CEP57L1: variants seen among roughly 807,000 people sequenced by gnomAD.
CEP57L1 encodes the protein centrosomal protein CEP57L1.
In CEP57L1, 37 loss-of-function variants were observed where a neutral mutation model predicts 61.0. The observed-to-expected ratio is 0.61, with a 90% confidence interval of 0.47 to 0.80. The LOEUF (loss-of-function observed/expected upper bound fraction) is 0.80, where lower values mean the gene tolerates loss of function less well. CEP57L1 is among the 30% of genes least tolerant of loss of function. The pLI is 0.00. For synonymous variants in CEP57L1, 137 were observed against 162.3 expected (o/e 0.84, Z 1.19); for missense variants, 422 against 524.7 (o/e 0.80, Z 1.91).
intron 3 of CEP57L1, 128 bp from the exon 4 acceptor site, chr6:109,149,990 A>G: frequency 2.3e-6 from 1 of 437,914 alleles, no homozygotes; most frequent in South Asian, 2.5e-5. Context: ...ACTTTGCTGA[A>G]GTTGCTTATC....
intron 1 of CEP57L1, among the ~76,000 whole-genome samples, chr6:109,119,183 A>G (rs1772656236): frequency 1.3e-5 from 2 of 152,200 alleles, no homozygotes; most frequent in African/African-American, 2.4e-5. Context: ...GGAGAGCCCT[A>G]TATGCCCTGA....
At chr6:109,118,837 T>C (rs1281435259) in intron 1 of CEP57L1, among the ~76,000 whole-genome samples, 1 of 152,222 alleles carries the variant, frequency 6.6e-6, no homozygotes, top group Non-Finnish European at 1.5e-5. Flanking sequence ...ACATAGCTTT[T>C]AATTCATTTC....
Position 109,165,643 on chromosome 6 carries a change from A to G in CEP57L1, c.*2673A>G, listed in dbSNP as rs992145958. On this transcript the variant is annotated 3_prime_UTR_variant, in exon 11 of 11. Transcript: ENST00000517392. ...TGTGCTGAAACATGTAACCACACAC[A>G]GCAAATAGGTTTGGAGTATGGTGTG... is the stretch of plus-strand genomic sequence containing the variant. Among the ~76,000 whole-genome samples the G allele has an allele frequency of 5.3e-5, 8 of 152,232 alleles. No individual in the cohort carries two copies. Among genetic ancestry groups the G allele is most frequent in the Non-Finnish European group, 1.0e-4 (7 of 68,044 alleles).
At chr6:109,114,875 A>C (rs1180116255) in intron 1 of CEP57L1, among the ~76,000 whole-genome samples, 1 of 152,180 alleles carries the variant, frequency 6.6e-6, no homozygotes, top group East Asian at 1.9e-4. Flanking sequence ...AGAGATGGTA[A>C]ATATTTGAGG....
intron 1 of CEP57L1, among the ~76,000 whole-genome samples, chr6:109,097,742 G>T (rs1781877750): frequency 6.6e-6 from 1 of 152,268 alleles, no homozygotes; most frequent in Non-Finnish European, 1.5e-5. Flanking sequence ...GGAATGGGGA[G>T]TGCCAGGATG....
At chr6:109,140,024 A>T (rs1771174202) in intron 1 of CEP57L1, among the ~76,000 whole-genome samples, 1 of 152,244 alleles carries the variant, frequency 6.6e-6, no homozygotes. Flanking sequence ...ATTGAGGTCC[A>T]GCTGCAAAGG....
intron 1 of CEP57L1, among the ~76,000 whole-genome samples, chr6:109,131,957 C>T (rs1774250610): frequency 6.6e-6 from 1 of 152,020 alleles, no homozygotes; most frequent in Non-Finnish European, 1.5e-5. Context: ...GTGAATCATC[C>T]CCTGTGGATA....
intron 1 of CEP57L1, among the ~76,000 whole-genome samples, chr6:109,124,428 A>G (rs1216205509): frequency 6.6e-6 from 1 of 152,196 alleles, no homozygotes; most frequent in Non-Finnish European, 1.5e-5. Flanking sequence ...GATAAGCAAT[A>G]TAGTGTGGTG....
rs2114503007 is a variant in CEP57L1, at chr6:109,095,592, G to A, written c.-4+17G>A. ...GTCTGCTTGGTAAGCACTGTAAGCT[G>A]GGTTGTCACCTTTCCTTGACAGGGT... On this transcript the variant is annotated intron_variant, in intron 1 of 10. Transcript: ENST00000517392. The A allele has an allele frequency of 1.0e-6, 1 of 985,544 alleles. No individual in the cohort carries two copies. The highest frequency in any genetic ancestry group is 1.7e-5 in the African/African-American group (1 of 57,338). 61.0% of individuals were successfully genotyped at this position (985,544 alleles called of 1,614,324 possible).
At chr6:109,138,625 C>CAGCTATGT (rs1256759558) in intron 1 of CEP57L1, among the ~76,000 whole-genome samples, 1 of 152,186 alleles carries the variant, frequency 6.6e-6, no homozygotes, top group African/African-American at 2.4e-5. Context: ...ATATTCCTGT[C>CAGCTATGT]AGCTATGTAT....
intron 7 of CEP57L1, chr6:109,156,956 T>C (rs982684735): frequency 1.1e-4 from 17 of 152,102 alleles, no homozygotes; most frequent in African/African-American, 3.4e-4. Flanking sequence ...CAAAGCCAAA[T>C]AGAAAAATCA....
chr6:109,105,377 T>C (rs1043840467), intron 1 of CEP57L1, among the ~76,000 whole-genome samples: 1 of 152,320 alleles, frequency 6.6e-6, no homozygotes, highest in Admixed American at 6.5e-5. Flanking sequence ...GATATATGTT[T>C]ATATTTTACC....
At position 109,163,481 on chromosome 6, in the gene CEP57L1, A is replaced by G. The variant is rs1484299779; in HGVS notation, c.*511A>G. On this transcript the variant is annotated 3_prime_UTR_variant, in exon 11 of 11. Coordinates refer to ENST00000517392, the MANE Select transcript of CEP57L1 (RefSeq NM_001271852.3). ...TAATAGTTACACAGTTTTGTGAAGA[A>G]GCCTTTAATCCAAGTTTTATGAGAC... is the stretch of plus-strand genomic sequence containing the variant. 6.6e-6 allele frequency: 1 copy of G among 152,440 alleles called. No individual in the cohort carries two copies. The highest frequency in any genetic ancestry group is 2.4e-5 in the African/African-American group (1 of 41,460). 9.4% of individuals were successfully genotyped at this position (152,440 alleles called of 1,614,324 possible). A position where few individuals can be genotyped will look rare whatever the true frequency, so the allele number is the denominator to read the frequency against.
chr6:109,133,840 C>T (rs1774487841), intron 1 of CEP57L1, among the ~76,000 whole-genome samples: 1 of 152,170 alleles, frequency 6.6e-6, no homozygotes, highest in South Asian at 2.1e-4. Flanking sequence ...TCGACACATA[C>T]ACCCTCCCAA....
At chr6:109,152,384 G>T (rs1772713025) in intron 4 of CEP57L1, among the ~76,000 whole-genome samples, 1 of 152,030 alleles carries the variant, frequency 6.6e-6, no homozygotes, top group Non-Finnish European at 1.5e-5. Flanking sequence ...GTTTTGCCAT[G>T]TTGGGGCAGG....
chr6:109,118,165 A>G, intron 1 of CEP57L1, among the ~76,000 whole-genome samples: 1 of 152,010 alleles, frequency 6.6e-6, no homozygotes, highest in East Asian at 1.9e-4. Context: ...CCTCCTTAGT[A>G]GCTGGAATTA....
chr6:109,153,958 T>A lies in CEP57L1; in HGVS notation c.579+9T>A, dbSNP rs1772944853. On this transcript the variant is annotated intron_variant, in intron 5 of 10. Transcript: ENST00000517392. Reference sequence around the variant, plus strand: ...CTCAGAAAACTGCTGAGGTAAGCTTTCTTTGAAGTGATGACAACAGGAATG... The same window carrying A: ...CTCAGAAAACTGCTGAGGTAAGCTTACTTTGAAGTGATGACAACAGGAATG... The A allele has an allele frequency of 7.2e-7, 1 of 1,380,570 alleles. No individual in the cohort carries two copies. The highest frequency in any genetic ancestry group is 2.3e-5 in the East Asian group (1 of 43,586). 85.5% of individuals were successfully genotyped at this position (1,380,570 alleles called of 1,614,324 possible).
At chr6:109,125,522 ATATT>A (rs1562524310) in intron 1 of CEP57L1, among the ~76,000 whole-genome samples, 5 of 139,732 alleles carry the variant, frequency 3.6e-5, no homozygotes, top group African/African-American at 1.1e-4. Context: ...ATATATATAT[ATATT>A]TTTTTTTTAA....
chr6:109,104,744 A>C (rs113026125), intron 1 of CEP57L1, among the ~76,000 whole-genome samples: 4 of 152,086 alleles, frequency 2.6e-5, no homozygotes, highest in African/African-American at 7.2e-5. Flanking sequence ...CACCACACCC[A>C]GCTAATTAAA....
Sources: gnomAD v4.1 joint callset for allele counts (sites outside exome capture counted in the v4.1 genomes callset) on GRCh38, gnomAD v4.1.1 for gene constraint, MANE v1.5 for transcripts, NCBI Gene and HGNC (gene_info 2026-07-23, HGNC 2026-07-21) for gene names.